Variants in ALDH1A1 observed in about 807,000 individuals in gnomAD.
ALDH1A1 encodes the protein aldehyde dehydrogenase 1 family member A1.
ALDH1A1 carries 19 observed loss-of-function variants against 62.1 expected under a neutral mutation model. The observed-to-expected ratio is 0.31, with a 90% confidence interval of 0.21 to 0.45. ALDH1A1 has a LOEUF of 0.45. ALDH1A1 is among the 20% of genes least tolerant of loss of function. The pLI, the probability that ALDH1A1 is intolerant of heterozygous loss-of-function variation, is 1.00. For synonymous variants in ALDH1A1, 231 were observed against 215.9 expected (o/e 1.07, Z -0.61); for missense variants, 521 against 607.1 (o/e 0.86, Z 1.49).
intron 12 of ALDH1A1, among the ~76,000 whole-genome samples, chr9:72,905,088 T>C (rs904073164): frequency 6.6e-6 from 1 of 152,174 alleles, no homozygotes; most frequent in Non-Finnish European, 1.5e-5. Flanking sequence ...CATTTAGAGA[T>C]TGAGAAAGGC....
At chr9:72,938,092 C>T (rs1160577025) in intron 2 of ALDH1A1, among the ~76,000 whole-genome samples, 3 of 152,030 alleles carry the variant, frequency 2.0e-5, no homozygotes, top group African/African-American at 7.2e-5. Context: ...GATTTGTGAT[C>T]TCATTTACTG....
At chr9:72,951,818 A>T (rs1228881796) in intron 1 of ALDH1A1, among the ~76,000 whole-genome samples, 1 of 151,944 alleles carries the variant, frequency 6.6e-6, no homozygotes. Context: ...AATACACTTC[A>T]TAGCTGCTGG....
At chr9:72,948,776 C>T (rs1049875402) in intron 1 of ALDH1A1, among the ~76,000 whole-genome samples, 13 of 151,900 alleles carry the variant, frequency 8.6e-5, no homozygotes, top group Middle Eastern at 6.8e-3. Flanking sequence ...CATATTAGCC[C>T]TCTTATATCA....
At chr9:72,951,458 G>A (rs1417416730) in intron 1 of ALDH1A1, among the ~76,000 whole-genome samples, 2 of 151,690 alleles carry the variant, frequency 1.3e-5, no homozygotes, top group Non-Finnish European at 1.5e-5. Flanking sequence ...CCAAAGGAGT[G>A]GGGAGACAGG....
At chr9:72,952,807 G>C (rs940153353) in intron 1 of ALDH1A1, 128 bp downstream of exon 1, 48 of 976,298 alleles carry the variant, frequency 4.9e-5, no homozygotes, top group African/African-American at 6.6e-5. Flanking sequence ...CCTGCATTTT[G>C]CATGCCTTTT....
intron 4 of ALDH1A1, among the ~76,000 whole-genome samples, chr9:72,927,580 G>C (rs1588138807): frequency 6.6e-6 from 1 of 152,150 alleles, no homozygotes; most frequent in South Asian, 2.1e-4. Flanking sequence ...AAAGGGACGA[G>C]AAAGGAAGTA....
At chr9:72,917,163 T>C (rs1830076957) in intron 8 of ALDH1A1, 59 bp from the exon 9 acceptor site, 3 of 1,238,510 alleles carry the variant, frequency 2.4e-6, no homozygotes, top group Admixed American at 7.7e-5. Context: ...ATTTTATATG[T>C]TTCTCAGAGG....
chr9:72,922,642 C>T (rs945504580), intron 7 of ALDH1A1, among the ~76,000 whole-genome samples: 1 of 152,220 alleles, frequency 6.6e-6, no homozygotes, highest in African/African-American at 2.4e-5. Flanking sequence ...TCAAAGCCAT[C>T]CCTGGCCATG....
chr9:72,902,758 C>T (rs8187990), intron 12 of ALDH1A1, among the ~76,000 whole-genome samples: 1 of 151,884 alleles, frequency 6.6e-6, no homozygotes, highest in East Asian at 1.9e-4. Context: ...TACGACATAG[C>T]CCCAAACATC....
chr9:72,904,262 G>A (rs796424913), intron 12 of ALDH1A1, among the ~76,000 whole-genome samples: 54 of 152,202 alleles, frequency 3.5e-4, no homozygotes, highest in African/African-American at 1.3e-3. Flanking sequence ...CTAACTTTTT[G>A]TTCTACTTCA....
At chr9:72,933,592 CAAAAA>C (rs60011646) in intron 2 of ALDH1A1, among the ~76,000 whole-genome samples, 8 of 111,726 alleles carry the variant, frequency 7.2e-5, no homozygotes, top group Non-Finnish European at 1.3e-4. Context: ...CATCTCAAAA[CAAAAA>C]AAAAAAAAAA....
At chr9:72,925,268 C>T (rs1830190066) in intron 6 of ALDH1A1, among the ~76,000 whole-genome samples, 1 of 152,094 alleles carries the variant, frequency 6.6e-6, no homozygotes, top group South Asian at 2.1e-4. Flanking sequence ...TGTTTGACAC[C>T]AAACCTTTGT....
intron 5 of ALDH1A1, among the ~76,000 whole-genome samples, chr9:72,925,873 G>GA (rs971993670): frequency 3.7e-4 from 55 of 148,418 alleles, no homozygotes; most frequent in East Asian, 2.2e-3. Flanking sequence ...TTTCTACCAG[G>GA]AAAAAAAAAA....
intron 9 of ALDH1A1, among the ~76,000 whole-genome samples, chr9:72,912,389 A>G (rs1830003780): frequency 6.6e-6 from 1 of 152,186 alleles, no homozygotes; most frequent in Non-Finnish European, 1.5e-5. Context: ...GCAAACACAT[A>G]AAAAACACAT....
intron 12 of ALDH1A1, among the ~76,000 whole-genome samples, chr9:72,905,550 A>G (rs1217329368): frequency 1.3e-5 from 2 of 152,162 alleles, no homozygotes; most frequent in Non-Finnish European, 1.5e-5. Flanking sequence ...CACCTAATTT[A>G]CTTATTTAAA....
At chr9:72,931,717 A>T (rs1406499126) in intron 2 of ALDH1A1, among the ~76,000 whole-genome samples, 1 of 152,234 alleles carries the variant, frequency 6.6e-6, no homozygotes, top group Non-Finnish European at 1.5e-5. Flanking sequence ...GGAACAGGGC[A>T]TGGAAATAGT....
At chr9:72,947,502 A>G (rs1340823967) in intron 1 of ALDH1A1, among the ~76,000 whole-genome samples, 1 of 152,136 alleles carries the variant, frequency 6.6e-6, no homozygotes, top group African/African-American at 2.4e-5. Flanking sequence ...CAACCACAGT[A>G]AGGAATGAAT....
intron 11 of ALDH1A1, 111 bp from the exon 12 acceptor site, chr9:72,906,143 T>C (rs1829875914): frequency 6.9e-6 from 5 of 724,776 alleles, no homozygotes; most frequent in Non-Finnish European, 1.1e-5. Flanking sequence ...TTAATTTCAT[T>C]ATAACATACT....
At chr9:72,904,007 T>A in intron 12 of ALDH1A1, among the ~76,000 whole-genome samples, 1 of 152,056 alleles carries the variant, frequency 6.6e-6, no homozygotes, top group Non-Finnish European at 1.5e-5. Context: ...TTTGTTGAAT[T>A]TACACTTTGT....
Sources: allele counts gnomAD v4.1 joint callset (sites outside exome capture counted in the v4.1 genomes callset), GRCh38; gene constraint gnomAD v4.1.1; transcripts MANE v1.5; gene names NCBI Gene and HGNC (gene_info 2026-07-23, HGNC 2026-07-21).